EPG5: variants seen among roughly 807,000 people sequenced by gnomAD.
EPG5 encodes the protein ectopic P-granules 5 autophagy tethering factor.
In EPG5, 159 loss-of-function variants were observed where a neutral mutation model predicts 302.7. That is an observed-to-expected ratio of 0.53 (90% CI 0.46 to 0.60). EPG5 has a LOEUF of 0.60. Ranked by LOEUF, EPG5 falls within the 20% of genes least tolerant of loss-of-function variation. The pLI, the probability that EPG5 is intolerant of heterozygous loss-of-function variation, is 0.00. For missense variants in EPG5, 2,896 were observed against 3,092.4 expected (o/e 0.94, Z 1.51); for synonymous variants, 1,158 against 1,136.8 (o/e 1.02, Z -0.37).
intron 25 of EPG5, among the ~76,000 whole-genome samples, chr18:45,903,512 T>C (rs1032157870): frequency 2.6e-5 from 4 of 152,224 alleles, no homozygotes; most frequent in East Asian, 3.8e-4. Flanking sequence ...TGGTCAACAA[T>C]TGAATTTACA....
the EPG5 span, chr18:45,842,250 T>C: frequency 2.5e-6 from 4 of 1,577,736 alleles, no homozygotes; most frequent in Non-Finnish European, 3.5e-6. Context: ...GTGCGAGGCT[T>C]GGCTGGCACA....
At chr18:45,961,360 T>C (rs758156937) in intron 1 of EPG5, among the ~76,000 whole-genome samples, 14 of 152,190 alleles carry the variant, frequency 9.2e-5, no homozygotes, top group Admixed American at 5.2e-4. Flanking sequence ...GCTATGCTAC[T>C]TTTCTGACTT....
intron 39 of EPG5, among the ~76,000 whole-genome samples, chr18:45,864,422 C>A (rs1264984915): frequency 6.6e-6 from 1 of 152,152 alleles, no homozygotes; most frequent in Non-Finnish European, 1.5e-5. Flanking sequence ...CTCAAATCTG[C>A]ATATTTCTAC....
chr18:45,862,957 C>A (rs895818530), intron 39 of EPG5, among the ~76,000 whole-genome samples: 2 of 152,110 alleles, frequency 1.3e-5, no homozygotes, highest in Non-Finnish European at 2.9e-5. Context: ...TAAAAGTTTG[C>A]TTCTTAATTT....
the EPG5 span, among the ~76,000 whole-genome samples, chr18:45,807,557 C>T: frequency 2.6e-5 from 4 of 152,230 alleles, no homozygotes; most frequent in Admixed American, 6.5e-5. Context: ...TCACAGGACT[C>T]TGTGCAGAAA....
At chr18:45,814,626 C>T in the EPG5 span, among the ~76,000 whole-genome samples, 1 of 152,180 alleles carries the variant, frequency 6.6e-6, no homozygotes, top group Non-Finnish European at 1.5e-5. Flanking sequence ...ATCTGTGACT[C>T]ATCAAAGAAT....
intron 24 of EPG5, 107 bp downstream of exon 24, chr18:45,907,851 C>T: frequency 9.3e-7 from 1 of 1,069,756 alleles, no homozygotes; most frequent in Non-Finnish European, 1.3e-6. Flanking sequence ...ATCTGAGTGA[C>T]TACCCATTTT....
At chr18:45,864,802 CAT>C (rs924310876) in intron 39 of EPG5, among the ~76,000 whole-genome samples, 3 of 152,256 alleles carry the variant, frequency 2.0e-5, no homozygotes, top group African/African-American at 2.4e-5. Flanking sequence ...TTCAAAACCA[CAT>C]GAGGGTCAGC....
the EPG5 span, chr18:45,837,456 G>A: frequency 7.0e-7 from 1 of 1,422,188 alleles, no homozygotes; most frequent in Admixed American, 3.2e-5. Context: ...CCAGGCCCCG[G>A]GTGCGGGCGC....
intron 36 of EPG5, chr18:45,868,253 A>G (rs956821041): frequency 4.0e-5 from 18 of 448,486 alleles, no homozygotes; most frequent in African/African-American, 3.6e-4. Context: ...TTCCCAGGTA[A>G]TGCTGATGCT....
At position 45,849,182 on chromosome 18, in the gene EPG5, G is replaced by A. The variant is rs921375917; in HGVS notation, c.*3285C>T. ...TGGTGTTAGACATGTGATGAAAACTGAAAATATCTAAAGGTCTGCCTCAAG... is the reference window on the plus strand; with the variant it reads ...TGGTGTTAGACATGTGATGAAAACTAAAAATATCTAAAGGTCTGCCTCAAG... On this transcript the variant is annotated 3_prime_UTR_variant, in exon 44 of 44. Transcript: ENST00000282041. 1 of 152,068 alleles carries A rather than the reference G, an allele frequency of 6.6e-6. No individual in the cohort carries two copies. The highest frequency in any genetic ancestry group is 1.5e-5 in the Non-Finnish European group (1 of 68,036). 9.4% of individuals were successfully genotyped at this position (152,068 alleles called of 1,614,324 possible).
chr18:45,806,129 G>A, the EPG5 span, among the ~76,000 whole-genome samples: 8 of 152,292 alleles, frequency 5.3e-5, no homozygotes, highest in South Asian at 2.1e-4. Flanking sequence ...TATTATTAGC[G>A]ACTTATCTGG....
chr18:45,830,616 C>T, the EPG5 span, among the ~76,000 whole-genome samples: 2 of 112,276 alleles, frequency 1.8e-5, no homozygotes, highest in South Asian at 2.9e-4. Flanking sequence ...GACGGAGTCT[C>T]GCTCTGTCAC....
intron 12 of EPG5, 48 bp from the exon 13 acceptor site, chr18:45,929,057 G>T: frequency 6.4e-7 from 1 of 1,567,844 alleles, no homozygotes; most frequent in South Asian, 1.1e-5. Flanking sequence ...ATATCAATTA[G>T]CAGTCAAAAC....
chr18:45,922,610 T>C lies in EPG5; in HGVS notation c.2839-10A>G, dbSNP rs371832207. 5.0e-6 allele frequency: 8 copies of C among 1,612,788 alleles called. No homozygotes were observed. Among genetic ancestry groups the C allele is most frequent in the Non-Finnish European group, 5.9e-6 (7 of 1,179,168 alleles). ...TGGCCAAATATGAAACCTAAAACAA[T>C]TATTTATTTTGAGCCACATTAGTCA... On this transcript the variant is annotated splice_polypyrimidine_tract_variant and intron_variant, in intron 15 of 43. Coordinates refer to ENST00000282041, the MANE Select transcript of EPG5 (RefSeq NM_020964.3).
chr18:45,880,260 T>C, intron 31 of EPG5, 37 bp from the exon 32 acceptor site: 3 of 1,519,366 alleles, frequency 2.0e-6, no homozygotes, highest in Non-Finnish European at 2.7e-6. Context: ...TCAGTGGCTT[T>C]CCCGAAAGGA....
At chr18:45,872,194 G>A (rs570291022) in intron 35 of EPG5, among the ~76,000 whole-genome samples, 62 of 152,234 alleles carry the variant, frequency 4.1e-4, no homozygotes, top group Middle Eastern at 3.4e-3. Flanking sequence ...TAAATCTCAC[G>A]CTTTTCTGAG....
At chr18:45,919,722 C>T (rs1269380870) in intron 16 of EPG5, among the ~76,000 whole-genome samples, 1 of 152,122 alleles carries the variant, frequency 6.6e-6, no homozygotes, top group African/African-American at 2.4e-5. Context: ...CCGTGTTAGC[C>T]AGGATGGTCT....
intron 21 of EPG5, among the ~76,000 whole-genome samples, chr18:45,913,410 G>A (rs1224287342): frequency 1.3e-5 from 2 of 152,160 alleles, no homozygotes; most frequent in African/African-American, 4.8e-5. Flanking sequence ...ATGAGGTCTA[G>A]GAATCTGCTT....
Sources: allele counts gnomAD v4.1 joint callset (sites outside exome capture counted in the v4.1 genomes callset), GRCh38; gene constraint gnomAD v4.1.1; transcripts MANE v1.5; gene names NCBI Gene and HGNC (gene_info 2026-07-23, HGNC 2026-07-21).